RGS6: variants seen among roughly 807,000 people sequenced by gnomAD.
RGS6 encodes the protein regulator of G protein signaling 6.
In RGS6, 30 loss-of-function variants were observed where a neutral mutation model predicts 78.5. The ratio of observed to expected loss-of-function variants is 0.38; its 90% CI spans 0.29 to 0.52. The LOEUF (loss-of-function observed/expected upper bound fraction) is 0.52. Ranked by LOEUF, RGS6 falls within the 20% of genes least tolerant of loss-of-function variation. The probability of loss-of-function intolerance (pLI) is 0.85; values close to 1 mark genes in which losing one functional copy is unlikely to be tolerated. For synonymous variants in RGS6, 206 were observed against 206.0 expected (o/e 1.00, Z 0.00); for missense variants, 495 against 609.7 (o/e 0.81, Z 1.98).
intron 3 of RGS6, among the ~76,000 whole-genome samples, chr14:72,378,817 G>T (rs781602002): frequency 1.3e-5 from 2 of 152,028 alleles, no homozygotes; most frequent in African/African-American, 2.4e-5. Context: ...TGAAGTAGAG[G>T]AAATTTTTCC....
chr14:72,373,999 A>G (rs1288792143), intron 3 of RGS6, among the ~76,000 whole-genome samples: 1 of 152,218 alleles, frequency 6.6e-6, no homozygotes, highest in East Asian at 1.9e-4. Flanking sequence ...GAAGTTTTAT[A>G]AAATTAATCA....
At chr14:71,971,748 A>G (rs1052725740) in intron 2 of RGS6, among the ~76,000 whole-genome samples, 2 of 152,118 alleles carry the variant, frequency 1.3e-5, no homozygotes, top group African/African-American at 4.8e-5. Context: ...GCTGGGGAAA[A>G]GTCTACTCCC....
intron 3 of RGS6, among the ~76,000 whole-genome samples, chr14:72,405,892 A>G (rs747705452): frequency 6.6e-5 from 10 of 152,202 alleles, no homozygotes; most frequent in Non-Finnish European, 1.0e-4. Flanking sequence ...TAAAGATTGG[A>G]ACGCTGTATT....
At chr14:72,052,198 ATATACC>A (rs2093291448) in intron 2 of RGS6, among the ~76,000 whole-genome samples, 1 of 152,216 alleles carries the variant, frequency 6.6e-6, no homozygotes, top group Non-Finnish European at 1.5e-5. Context: ...GCCTCCTGGT[ATATACC>A]TTTTAGTCAA....
chr14:72,128,964 G>A (rs1257032594), intron 2 of RGS6, among the ~76,000 whole-genome samples: 1 of 152,174 alleles, frequency 6.6e-6, no homozygotes, highest in Non-Finnish European at 1.5e-5. Flanking sequence ...TCACGTTTTA[G>A]CACTGACAGT....
At chr14:72,528,266 C>A (rs1173904359) in intron 15 of RGS6, among the ~76,000 whole-genome samples, 1 of 152,252 alleles carries the variant, frequency 6.6e-6, no homozygotes, top group African/African-American at 2.4e-5. Context: ...CTCTCCAGCT[C>A]TCACTGTGCC....
chr14:72,053,118 TTCCTTCCTTC>T (rs2093427104), intron 2 of RGS6, among the ~76,000 whole-genome samples: 1 of 98,736 alleles, frequency 1.0e-5, no homozygotes, highest in Non-Finnish European at 2.1e-5. Context: ...CCTTCCTTCC[TTCCTTCCTTC>T]CTTTCTTTTT....
chr14:71,958,990 A>G (rs1411785100), intron 1 of RGS6, among the ~76,000 whole-genome samples: 1 of 152,234 alleles, frequency 6.6e-6, no homozygotes, highest in African/African-American at 2.4e-5. Context: ...TTAAGTGATT[A>G]TATCCCAGTA....
intron 3 of RGS6, among the ~76,000 whole-genome samples, chr14:72,361,554 AATAAT>A (rs1306280567): frequency 2.6e-5 from 4 of 152,194 alleles, no homozygotes; most frequent in East Asian, 1.9e-4. Flanking sequence ...TGGCAGGGAC[AATAAT>A]ATAAGATATA....
chr14:71,874,942 C>T, the RGS6 span, among the ~76,000 whole-genome samples: 3 of 152,266 alleles, frequency 2.0e-5, no homozygotes, highest in East Asian at 1.9e-4. Context: ...TGATGGATTA[C>T]GTTTACTGAT....
chr14:72,465,281 G>A (rs1170308382), intron 6 of RGS6, among the ~76,000 whole-genome samples: 1 of 152,144 alleles, frequency 6.6e-6, no homozygotes, highest in South Asian at 2.1e-4. Context: ...AGGCACTGGA[G>A]TAATGTGGTC....
intron 2 of RGS6, among the ~76,000 whole-genome samples, chr14:72,324,645 G>T (rs1189960358): frequency 2.0e-5 from 3 of 152,016 alleles, no homozygotes; most frequent in Non-Finnish European, 4.4e-5. Context: ...TGAGAATGAT[G>T]GTTTCCAGCT....
intron 2 of RGS6, among the ~76,000 whole-genome samples, chr14:72,292,583 A>G (rs769904896): frequency 2.6e-5 from 4 of 152,218 alleles, no homozygotes; most frequent in Non-Finnish European, 5.9e-5. Context: ...TGTTTTAACA[A>G]TGCCCTCTAC....
Position 72,517,342 on chromosome 14 carries a change from C to G in RGS6, c.1092-1009C>G, listed in dbSNP as rs1033120790. ...CTCACTGATGGGGGAGCTGGCCTGT[C>G]CATGCACAGGGCAAAGGATATGACA... On this transcript the variant is annotated intron_variant, in intron 14 of 17. Transcript: ENST00000553525. Among the ~76,000 whole-genome samples, 7 of 152,144 alleles carry G rather than the reference C, an allele frequency of 4.6e-5. No homozygotes were observed. The South Asian group carries it at 1.0e-3, about 23-fold the overall frequency.
chr14:71,928,988 C>T (rs916779005), upstream of RGS6, among the ~76,000 whole-genome samples: 3 of 152,160 alleles, frequency 2.0e-5, no homozygotes, highest in African/African-American at 7.2e-5. Context: ...TTTAACCTTT[C>T]ATTTTGAAAT....
intron 2 of RGS6, among the ~76,000 whole-genome samples, chr14:71,991,567 A>C (rs544865785): frequency 6.6e-6 from 1 of 152,286 alleles, no homozygotes; most frequent in African/African-American, 2.4e-5. Flanking sequence ...TAATTGTAAA[A>C]GAAAAATTCC....
the RGS6 span, among the ~76,000 whole-genome samples, chr14:71,868,064 C>T: frequency 6.6e-6 from 1 of 152,172 alleles, no homozygotes; most frequent in Admixed American, 6.5e-5. Flanking sequence ...AGGAAAGGGT[C>T]AAACGTCCAC....
chr14:71,899,432 G>C, the RGS6 span, among the ~76,000 whole-genome samples: 2 of 152,140 alleles, frequency 1.3e-5, no homozygotes, highest in African/African-American at 2.4e-5. Context: ...GAGGACATGT[G>C]GTTGTCTCCC....
At chr14:72,614,906 A>C in the RGS6 span, among the ~76,000 whole-genome samples, 1 of 151,152 alleles carries the variant, frequency 6.6e-6, no homozygotes. Context: ...ACCCCTCCCA[A>C]ATGCCCTCCC....
Sources: gnomAD v4.1 joint callset for allele counts (sites outside exome capture counted in the v4.1 genomes callset) on GRCh38, gnomAD v4.1.1 for gene constraint, MANE v1.5 for transcripts, NCBI Gene and HGNC (gene_info 2026-07-23, HGNC 2026-07-21) for gene names.